The following ADGRL3 variants were observed in gnomAD, a reference collection of about 807,000 sequenced individuals.
The protein encoded by ADGRL3 is calcium-independent alpha-latrotoxin receptor 3.
A neutral mutation model predicts 153.5 loss-of-function variants in ADGRL3; 62 were observed. That is an observed-to-expected ratio of 0.40 (90% CI 0.33 to 0.50). ADGRL3 has a LOEUF of 0.50. Among genes scored for constraint, ADGRL3 ranks in the 20% least tolerant of loss-of-function variants. The probability of loss-of-function intolerance (pLI) is 0.47; values close to 1 mark genes in which losing one functional copy is unlikely to be tolerated. For missense variants in ADGRL3, 1,641 were observed against 1,859.4 expected (o/e 0.88, Z 2.16); for synonymous variants, 710 against 672.5 (o/e 1.06, Z -0.86).
chr4:61,252,985 T>A lies in ADGRL3; in HGVS notation c.-240+51220T>A, dbSNP rs148820272. The stretch of plus-strand genomic sequence containing the variant: ...AGGTGAGGACACTGAGGTTAAGGTG[T>A]GTCATGCATGTATTTTTTTACTTAT... On this transcript the variant is annotated intron_variant, in intron 1 of 26. Coordinates refer to ENST00000683033, the MANE Select transcript of ADGRL3 (RefSeq NM_001387552.1). 5.3e-3 allele frequency among the ~76,000 whole-genome samples: 813 copies of A among 152,294 alleles called. 6 individuals carry two copies. Among genetic ancestry groups the A allele is most frequent in the African/African-American group, 0.019 (786 of 41,572 alleles).
At chr4:61,980,325 T>TTTTG (rs2099063599) in intron 18 of ADGRL3, among the ~76,000 whole-genome samples, 1 of 149,394 alleles carries the variant, frequency 6.7e-6, no homozygotes, top group African/African-American at 2.4e-5. Context: ...TTTTTTTTTT[T>TTTTG]TTTTTTTACT....
At chr4:61,260,398 A>G (rs2092411627) in intron 1 of ADGRL3, among the ~76,000 whole-genome samples, 1 of 152,234 alleles carries the variant, frequency 6.6e-6, no homozygotes, top group African/African-American at 2.4e-5. Context: ...TGAAATGGAT[A>G]GAGTCTGTAT....
intron 6 of ADGRL3, among the ~76,000 whole-genome samples, chr4:61,712,022 CA>C (rs33946948): frequency 0.47 from 71,135 of 151,770 alleles, 17,146 homozygotes; most frequent in Admixed American, 0.58. Context: ...ATCATTGCAA[CA>C]AAAATTATAT....
At chr4:61,330,528 T>C (rs2095550752) in intron 1 of ADGRL3, among the ~76,000 whole-genome samples, 1 of 152,142 alleles carries the variant, frequency 6.6e-6, no homozygotes, top group African/African-American at 2.4e-5. Context: ...CAGCAGATTA[T>C]GGGATCCTTT....
At position 61,325,036 on chromosome 4, in the gene ADGRL3, G is replaced by A. The variant is rs762631258; in HGVS notation, c.-239-58088G>A. On this transcript the variant is annotated intron_variant, in intron 1 of 26. Coordinates refer to ENST00000683033, the MANE Select transcript of ADGRL3 (RefSeq NM_001387552.1). ...ATTGCTTAAAAATAGCATGTAGGTC[G>A]GGCGCAGTGGCTCATGCCTATAATC... 9.9e-4 allele frequency among the ~76,000 whole-genome samples: 150 copies of A among 152,154 alleles called. 4 individuals are homozygous for A. The highest frequency in any genetic ancestry group is 3.4e-3 in the Middle Eastern group (1 of 294).
At chr4:61,817,250 G>T (rs1224653589) in intron 9 of ADGRL3, among the ~76,000 whole-genome samples, 4 of 151,980 alleles carry the variant, frequency 2.6e-5, no homozygotes, top group Non-Finnish European at 5.9e-5. Context: ...CCGGGTGTCC[G>T]GTTTAAACCC....
intron 10 of ADGRL3, 127 bp downstream of exon 10, chr4:61,893,085 C>T (rs1487012428): frequency 2.4e-6 from 1 of 419,278 alleles, no homozygotes; most frequent in Non-Finnish European, 4.0e-6. Context: ...CTCCTTGTCT[C>T]TTTCTTTCTC....
intron 8 of ADGRL3, among the ~76,000 whole-genome samples, chr4:61,767,634 C>T (rs1580726153): frequency 6.6e-6 from 1 of 152,046 alleles, no homozygotes; most frequent in African/African-American, 2.4e-5. Context: ...GGAGTGGCTG[C>T]CAGGTGAGTT....
intron 5 of ADGRL3, among the ~76,000 whole-genome samples, chr4:61,632,121 T>C (rs2093204566): frequency 6.6e-6 from 1 of 152,176 alleles, no homozygotes; most frequent in Admixed American, 6.6e-5. Context: ...ATTTTGATCA[T>C]TGCTTTCTTC....
intron 19 of ADGRL3, among the ~76,000 whole-genome samples, chr4:61,993,544 G>A (rs1476615883): frequency 6.6e-6 from 1 of 151,644 alleles, no homozygotes. Context: ...TACCCACCTC[G>A]GCCTCCCAAA....
At chr4:61,976,744 C>G (rs1200069779) in intron 17 of ADGRL3, among the ~76,000 whole-genome samples, 2 of 152,116 alleles carry the variant, frequency 1.3e-5, no homozygotes, top group Non-Finnish European at 2.9e-5. Flanking sequence ...GTCTTGCTCC[C>G]CCTTCGCCTT....
chr4:61,306,349 T>C (rs1847734), intron 1 of ADGRL3, among the ~76,000 whole-genome samples: 119,576 of 151,864 alleles, frequency 0.79, 47,300 homozygotes, highest in East Asian at 0.98. Flanking sequence ...CCACCCACCT[T>C]GGCCTCCCAA....
At chr4:61,852,260 G>C (rs2098213573) in intron 9 of ADGRL3, among the ~76,000 whole-genome samples, 1 of 151,020 alleles carries the variant, frequency 6.6e-6, no homozygotes, top group South Asian at 2.1e-4. Flanking sequence ...GTCCAAAATT[G>C]GTGCATTTAA....
At chr4:61,447,948 G>A (rs1237698246) in intron 2 of ADGRL3, among the ~76,000 whole-genome samples, 1 of 152,070 alleles carries the variant, frequency 6.6e-6, no homozygotes, top group Non-Finnish European at 1.5e-5. Flanking sequence ...AACAAAATAC[G>A]GACCTGGGCC....
At chr4:61,828,081 C>G (rs1183832858) in intron 9 of ADGRL3, among the ~76,000 whole-genome samples, 1 of 152,106 alleles carries the variant, frequency 6.6e-6, no homozygotes, top group Non-Finnish European at 1.5e-5. Context: ...AAAAGCATGC[C>G]TGCCAGAATT....
intron 2 of ADGRL3, among the ~76,000 whole-genome samples, chr4:61,426,552 T>C (rs752987734): frequency 8.2e-5 from 11 of 134,930 alleles, no homozygotes; most frequent in Non-Finnish European, 1.9e-4. Flanking sequence ...TGGAAACTTA[T>C]CTAGGTTCCC....
chr4:61,514,744 G>A (rs1035672992), intron 3 of ADGRL3, among the ~76,000 whole-genome samples: 3 of 151,976 alleles, frequency 2.0e-5, no homozygotes, highest in African/African-American at 7.3e-5. Flanking sequence ...CTGGTATTTT[G>A]TATTCTTTAG....
rs371235473 is a variant in ADGRL3 at position 62,040,603 on chromosome 4, G to A, written c.3717+2747G>A. On this transcript the variant is annotated intron_variant, in intron 24 of 26. Transcript: ENST00000683033. ...TCTATATATTATGATTTTTTATTTA[G>A]AAATATTGAGTGCCTCCTATATAAT... is the stretch of plus-strand genomic sequence containing the variant. Among the ~76,000 whole-genome samples, 13 of 151,942 alleles carry A rather than the reference G, an allele frequency of 8.6e-5. No homozygotes were observed. The East Asian group carries it at 2.3e-3, about 27-fold the overall frequency.
At chr4:61,809,582 T>C (rs2097585574) in intron 8 of ADGRL3, among the ~76,000 whole-genome samples, 2 of 152,134 alleles carry the variant, frequency 1.3e-5, no homozygotes, top group South Asian at 2.1e-4. Context: ...CTATTTAAAA[T>C]TGCTAGCTGC....
Sources: allele counts gnomAD v4.1 joint callset (sites outside exome capture counted in the v4.1 genomes callset), GRCh38; gene constraint gnomAD v4.1.1; transcripts MANE v1.5; gene names NCBI Gene and HGNC (gene_info 2026-07-23, HGNC 2026-07-21).